Variants in MYO18A observed in about 807,000 individuals in gnomAD.
MYO18A encodes the protein myosin XVIIIA.
Under a neutral mutation model 235.8 loss-of-function variants are expected in MYO18A, and 78 were observed. The observed-to-expected ratio is 0.33, with a 90% confidence interval of 0.28 to 0.40. The LOEUF is 0.40. MYO18A is among the 10% of genes least tolerant of loss of function. The pLI, the probability that MYO18A is intolerant of heterozygous loss-of-function variation, is 1.00. For missense variants in MYO18A, 2,215 were observed against 2,699.3 expected, an observed-to-expected ratio of 0.82 and a Z score of 3.98; for synonymous variants, 977 against 1,077.8, an observed-to-expected ratio of 0.91 and a Z score of 1.83.
rs2067197367 is a variant in MYO18A, at chr17:29,121,457, G to A, written c.1371+90C>T. 7.4e-7 allele frequency: 1 copy of A among 1,349,602 alleles called. No homozygotes were observed. Among genetic ancestry groups the A allele is most frequent in the African/African-American group, 1.5e-5 (1 of 68,250 alleles). The allele number at this position is 1,349,602 out of a possible 1,614,324, so 83.6% of individuals were successfully genotyped here. A position where few individuals can be genotyped will look rare whatever the true frequency, so the allele number is the denominator to read the frequency against. ...CAAGGTCAACTGTGAGAGTGGACAG[G>A]AGCCCAGTGGGGTGCCACAGGGGAA... On this transcript the variant is annotated intron_variant, in intron 5 of 41. Coordinates refer to ENST00000527372, the MANE Select transcript of MYO18A (RefSeq NM_078471.4). This position sits in a 1 kb window ranked among gnomAD's most constrained non-coding sequence, Gnocchi z 4.2.
Position 29,074,257 on chromosome 17 carries a change from A to C in MYO18A, c.*513T>G. 6.8e-7 allele frequency: 1 copy of C among 1,465,250 alleles called. No individual in the cohort carries two copies. The highest frequency in any genetic ancestry group is 9.2e-7 in the Non-Finnish European group (1 of 1,081,458). The allele number at this position is 1,465,250 out of a possible 1,614,324, so 90.8% of individuals were successfully genotyped here. A position where few individuals can be genotyped will look rare whatever the true frequency, so the allele number is the denominator to read the frequency against. On this transcript the variant is annotated 3_prime_UTR_variant, in exon 42 of 42. Coordinates refer to ENST00000527372, the MANE Select transcript of MYO18A (RefSeq NM_078471.4). This position sits in a 1 kb window ranked among gnomAD's most constrained non-coding sequence, Gnocchi z 4.4. ...CTACAGCCCCCTCCCACTCTCAGGG[A>C]TGCAGCTGTGATGGAGAGGTTGGGT...
rs1442043120 is a variant in MYO18A at position 29,096,741 on chromosome 17, A to G, written c.4385+20T>C. 10 of 1,577,838 alleles carry G rather than the reference A, an allele frequency of 6.3e-6. No individual in the cohort carries two copies. The highest frequency in any genetic ancestry group is 8.6e-6 in the Non-Finnish European group (10 of 1,160,986). On this transcript the variant is annotated intron_variant, in intron 28 of 41. Coordinates refer to ENST00000527372, the MANE Select transcript of MYO18A (RefSeq NM_078471.4). ...CTGCTCCAGAAGGTTCTCTGGGCCC[A>G]GGGCAGGGGGCCCACCCACCTCCTC...
At chr17:29,115,321 G>A (rs1450148909) in intron 13 of MYO18A, 30 bp downstream of exon 13, 3 of 1,611,764 alleles carry the variant, frequency 1.9e-6, no homozygotes, top group Admixed American at 3.3e-5. Flanking sequence ...GCCAAAGCAG[G>A]AAAAGCCCTG....
At chr17:29,075,436 A>G (rs917546644) in intron 41 of MYO18A, 6 of 167,604 alleles carry the variant, frequency 3.6e-5, no homozygotes, top group Admixed American at 1.3e-4. Flanking sequence ...CTTTCCCCTA[A>G]TGATGGCTCC....
At chr17:29,103,508 T>C (rs1287067329) in intron 21 of MYO18A, 91 bp downstream of exon 21, 1 of 1,305,756 alleles carries the variant, frequency 7.7e-7, no homozygotes, top group African/African-American at 1.5e-5. Context: ...TGGTGATGTC[T>C]GGCTGAGCAA....
intron 1 of MYO18A, among the ~76,000 whole-genome samples, chr17:29,170,514 C>T (rs193234662): frequency 4.6e-5 from 7 of 152,136 alleles, no homozygotes; most frequent in Admixed American, 2.0e-4. Flanking sequence ...CTTCCTACCC[C>T]CTATCCCGGG....
chr17:29,129,918 A>G (rs1277381338), intron 2 of MYO18A, among the ~76,000 whole-genome samples: 3 of 152,130 alleles, frequency 2.0e-5, no homozygotes, highest in Non-Finnish European at 4.4e-5. Context: ...GGCACTGCAG[A>G]GTTGGCCAGT....
intron 41 of MYO18A, 133 bp from the exon 42 acceptor site, chr17:29,075,047 T>G (rs2065941828): frequency 9.7e-7 from 1 of 1,031,146 alleles, no homozygotes; most frequent in Admixed American, 2.6e-5. Flanking sequence ...AGTAAAAACC[T>G]TCCTTGGCTT....
chr17:29,092,789 G>A (rs140427753), intron 33 of MYO18A, 66 bp downstream of exon 33: 614 of 1,580,160 alleles, frequency 3.9e-4, no homozygotes, highest in Non-Finnish European at 4.8e-4. Flanking sequence ...AGGAGCGAGA[G>A]AGAGAAAGAG....
rs1361991481 is a variant in MYO18A at position 29,166,099 on chromosome 17, C to A, written c.842G>T (p.Gly281Val). Residue 281 changes from glycine to valine, a missense_variant, in exon 2 of 42, where the codon GGG becomes GTG. Transcript: ENST00000527372. ...CCTGGACTTGCTCTCCACATTGTGCCCATTAATCTCCACCAGTCGATCTCC... is the reference window on the plus strand; with the variant it reads ...CCTGGACTTGCTCTCCACATTGTGCACATTAATCTCCACCAGTCGATCTCC... ...VPGDRLVEINGHNVESKSRDE... is the reference protein window; with the variant it reads ...VPGDRLVEINVHNVESKSRDE... The A allele has an allele frequency of 1.2e-6, 2 of 1,613,530 alleles. No homozygotes were observed. Among genetic ancestry groups the A allele is most frequent in the South Asian group, 2.2e-5 (2 of 91,084 alleles).
At chr17:29,107,321 G>T in intron 19 of MYO18A, 132 bp from the exon 20 acceptor site, 1 of 798,338 alleles carries the variant, frequency 1.3e-6, no homozygotes, top group Non-Finnish European at 2.1e-6. Flanking sequence ...GGAGCCTGTG[G>T]TTGAAGGCAG....
intron 17 of MYO18A, among the ~76,000 whole-genome samples, chr17:29,110,887 C>T (rs993527330): frequency 1.4e-4 from 22 of 152,316 alleles, no homozygotes; most frequent in Admixed American, 3.3e-4. Context: ...TCATCTACTT[C>T]CCCTCACCAG....
chr17:29,074,640 A>C lies in MYO18A; in HGVS notation c.*130T>G. 1.0e-6 allele frequency: 1 copy of C among 987,574 alleles called. No homozygotes were observed. The allele number at this position is 987,574 out of a possible 1,614,324, so 61.2% of individuals were successfully genotyped here. A position where few individuals can be genotyped will look rare whatever the true frequency, so the allele number is the denominator to read the frequency against. On this transcript the variant is annotated 3_prime_UTR_variant, in exon 42 of 42. Transcript: ENST00000527372. The surrounding 1 kb of genome is among the most constrained non-coding windows in gnomAD (Gnocchi z 4.4). The stretch of plus-strand genomic sequence containing the variant: ...TAGCCTGGAAAGTGCCCCTGACAGA[A>C]GAAGGTCAGGGTGTTTCCCATGCAG...
At chr17:29,159,878 A>G (rs904526080) in intron 2 of MYO18A, among the ~76,000 whole-genome samples, 3 of 152,258 alleles carry the variant, frequency 2.0e-5, no homozygotes, top group Non-Finnish European at 4.4e-5. Flanking sequence ...CCAATGGCCA[A>G]GCCTGCAGGC....
rs1277148462 is a variant in MYO18A, at chr17:29,114,062, G to C, written c.2547C>G (p.Pro849=). 1 of 1,602,940 alleles carries C rather than the reference G, an allele frequency of 6.2e-7. No homozygotes were observed. The highest frequency in any genetic ancestry group is 1.7e-5 in the Admixed American group (1 of 58,618). The part of the protein sequence containing the change: ...NIELAFDDLE[P]PTDDSVAAVD... Reference sequence around the variant, plus strand: ...CAGCAGCCACAGAGTCATCCGTCGGGGGTTCCAAGTCGTCAAACGCCAGCT... The same window carrying C: ...CAGCAGCCACAGAGTCATCCGTCGGCGGTTCCAAGTCGTCAAACGCCAGCT... Residue 849 remains proline, a synonymous_variant, in exon 15 of 42, where the codon CCC becomes CCG. Transcript: ENST00000527372.
rs751650856 is a variant in MYO18A, at chr17:29,094,832, C to A, written c.4528G>T (p.Ala1510Ser). 3.1e-6 allele frequency: 5 copies of A among 1,614,056 alleles called. No individual in the cohort carries two copies. In the South Asian group the frequency reaches 4.4e-5, roughly 14 times the overall value. Residue 1510 changes from alanine to serine, a missense_variant, in exon 30 of 42, where the codon GCA (alanine) becomes TCA (serine). Ala to Ser is a moderately conservative substitution (Grantham distance 99, BLOSUM62 1). Coordinates refer to ENST00000527372, the MANE Select transcript of MYO18A (RefSeq NM_078471.4). ...QQLEEKDMDI[A>S]GFTQKVVSLE... is the part of the protein sequence containing the mutation. ...GACACAACCTTCTGGGTGAACCCTG[C>A]AATGTCCATGTCTTTTTCCTGGAGC...
chr17:29,173,512 C>T (rs1041117563), intron 1 of MYO18A, among the ~76,000 whole-genome samples: 6 of 151,522 alleles, frequency 4.0e-5, no homozygotes, highest in Non-Finnish European at 5.9e-5. Context: ...CTCAGCCTCC[C>T]GAGTAGCTGG....
chr17:29,137,794 A>G (rs533178465), intron 2 of MYO18A, among the ~76,000 whole-genome samples: 1 of 152,328 alleles, frequency 6.6e-6, no homozygotes, highest in African/African-American at 2.4e-5. Flanking sequence ...CTGGAACCCA[A>G]ATAGTATACA....
intron 2 of MYO18A, among the ~76,000 whole-genome samples, chr17:29,160,886 C>T (rs888392644): frequency 2.6e-5 from 4 of 152,222 alleles, no homozygotes; most frequent in African/African-American, 9.6e-5. Flanking sequence ...GGTAAGCCTT[C>T]CTTTAAGACC....
Sources: gnomAD v4.1 joint callset for allele counts (sites outside exome capture counted in the v4.1 genomes callset) on GRCh38, gnomAD v4.1.1 for gene constraint, Gnocchi (gnomAD v3.1) non-coding constraint, MANE v1.5 for transcripts, NCBI Gene and HGNC (gene_info 2026-07-23, HGNC 2026-07-21) for gene names.